SLC1A1: variants seen among roughly 807,000 people sequenced by gnomAD.
The protein encoded by SLC1A1 is excitatory amino acid transporter 3.
Under a neutral mutation model 53.3 loss-of-function variants are expected in SLC1A1, and 43 were observed. That is an observed-to-expected ratio of 0.81 (90% CI 0.63 to 1.04). The LOEUF is 1.04. Among genes scored for constraint, SLC1A1 ranks in the 50% least tolerant of loss-of-function variants. The probability of loss-of-function intolerance (pLI) is 0.00; values close to 1 mark genes in which losing one functional copy is unlikely to be tolerated. For missense variants in SLC1A1, 748 were observed against 664.9 expected (o/e 1.12, Z -1.37); for synonymous variants, 307 against 243.2 (o/e 1.26, Z -2.44).
At chr9:4,516,112 T>C (rs1443235593) in intron 1 of SLC1A1, among the ~76,000 whole-genome samples, 1 of 152,128 alleles carries the variant, frequency 6.6e-6, no homozygotes, top group Admixed American at 6.6e-5. Context: ...TGAGTTGCCA[T>C]AAAGAAAGAG....
At chr9:4,521,303 C>A (rs1816063204) in intron 1 of SLC1A1, among the ~76,000 whole-genome samples, 1 of 152,028 alleles carries the variant, frequency 6.6e-6, no homozygotes. Flanking sequence ...TCCTATTTAC[C>A]CATAAGTATT....
At chr9:4,517,855 T>G (rs997605296) in intron 1 of SLC1A1, among the ~76,000 whole-genome samples, 1 of 152,152 alleles carries the variant, frequency 6.6e-6, no homozygotes, top group African/African-American at 2.4e-5. Context: ...ACTTCTGCCC[T>G]GATCCCTGTA....
chr9:4,584,704 C>T (rs752932470), intron 11 of SLC1A1, among the ~76,000 whole-genome samples: 3 of 152,208 alleles, frequency 2.0e-5, no homozygotes, highest in Admixed American at 2.0e-4. Context: ...TCCCCAGGCT[C>T]TCTGGAAATT....
At position 4,508,286 on chromosome 9, in the gene SLC1A1, G is replaced by C. The variant is rs545069417; in HGVS notation, c.91+17516G>C. Among the ~76,000 whole-genome samples the C allele has an allele frequency of 2.1e-4, 32 of 152,330 alleles. 1 individual carries two copies. The South Asian group carries it at 6.6e-3, about 32-fold the overall frequency. On this transcript the variant is annotated intron_variant, in intron 1 of 11. Coordinates refer to ENST00000262352, the MANE Select transcript of SLC1A1 (RefSeq NM_004170.6). ...AAGACTTTGGAATCCACAAGTCATA[G>C]ATATGTATCTCGGGAAATAATCCAA...
chr9:4,565,039 C>T (rs1191656420), intron 4 of SLC1A1, among the ~76,000 whole-genome samples: 1 of 152,138 alleles, frequency 6.6e-6, no homozygotes, highest in Admixed American at 6.5e-5. Context: ...CTGCAATTTC[C>T]AGGTAAAGTT....
chr9:4,538,592 G>A (rs566863123), intron 1 of SLC1A1, among the ~76,000 whole-genome samples: 2 of 152,238 alleles, frequency 1.3e-5, no homozygotes, highest in South Asian at 2.1e-4. Flanking sequence ...TTAGTTTGTG[G>A]ATGAATTTTT....
chr9:4,578,086 T>C (rs552976783), intron 10 of SLC1A1, among the ~76,000 whole-genome samples: 1 of 152,356 alleles, frequency 6.6e-6, no homozygotes, highest in African/African-American at 2.4e-5. Flanking sequence ...TAAATACTTT[T>C]TGACAGATTG....
intron 1 of SLC1A1, among the ~76,000 whole-genome samples, chr9:4,530,168 C>T (rs1163112984): frequency 6.6e-6 from 1 of 151,976 alleles, no homozygotes; most frequent in African/African-American, 2.4e-5. Context: ...AAATATAAAA[C>T]AGTGGAACAT....
chr9:4,533,901 A>G (rs1186434073), intron 1 of SLC1A1, among the ~76,000 whole-genome samples: 2 of 152,228 alleles, frequency 1.3e-5, no homozygotes, highest in Non-Finnish European at 2.9e-5. Context: ...CAGGATTGAG[A>G]AACTCACTCA....
chr9:4,534,868 TG>T (rs1816614815), intron 1 of SLC1A1, among the ~76,000 whole-genome samples: 1 of 152,156 alleles, frequency 6.6e-6, no homozygotes, highest in South Asian at 2.1e-4. Flanking sequence ...CATGATCTAG[TG>T]GGATTCATCC....
chr9:4,514,337 C>T (rs1821093247), intron 1 of SLC1A1, among the ~76,000 whole-genome samples: 1 of 152,076 alleles, frequency 6.6e-6, no homozygotes, highest in African/African-American at 2.4e-5. Flanking sequence ...CCTTGAGTGG[C>T]CTGATGCTGC....
In SLC1A1 at chr9:4,574,069, C is replaced by T. The variant is rs184672217; in HGVS notation, c.875+55C>T. 7.0e-4 allele frequency: 838 copies of T among 1,192,778 alleles called. 1 individual carries two copies. The highest frequency in any genetic ancestry group is 2.0e-4 in the Non-Finnish European group (160 of 798,064). The allele number at this position is 1,192,778 out of a possible 1,614,324, so 73.9% of individuals were successfully genotyped here. ...ACCTCCTTTGATCTAATAGGATGGC[C>T]GCTGAGAGGTTGGGTTTCAGTTGGT... is the stretch of plus-strand genomic sequence containing the variant. On this transcript the variant is annotated intron_variant, in intron 8 of 11. Transcript: ENST00000262352.
chr9:4,491,694 C>T (rs1024144582), intron 1 of SLC1A1, among the ~76,000 whole-genome samples: 4 of 152,196 alleles, frequency 2.6e-5, no homozygotes, highest in African/African-American at 9.7e-5. Context: ...AGCGCCATAT[C>T]TGTCGCCTTC....
intron 1 of SLC1A1, among the ~76,000 whole-genome samples, chr9:4,524,664 A>G (rs941684475): frequency 6.6e-6 from 1 of 152,244 alleles, no homozygotes; most frequent in Non-Finnish European, 1.5e-5. Context: ...GCATCAAAAT[A>G]TGATAGAGAA....
rs1821306136 is a variant in SLC1A1 at position 4,583,651 on chromosome 9, T to G, written c.1328+479T>G. On this transcript the variant is annotated intron_variant, in intron 11 of 11. Coordinates refer to ENST00000262352, the MANE Select transcript of SLC1A1 (RefSeq NM_004170.6). The surrounding 1 kb of genome is among the most constrained non-coding windows in gnomAD (Gnocchi z 4.6). ...CCAGCTTCTTGACCTCGAGCAAGTT[T>G]CCTTAACCTGAGGCCCAGTTGCATA... 6.6e-6 allele frequency among the ~76,000 whole-genome samples: 1 copy of G among 152,176 alleles called. No homozygotes were observed. Among genetic ancestry groups the G allele is most frequent in the Admixed American group, 6.5e-5 (1 of 15,276 alleles).
At chr9:4,511,733 G>T (rs1821008336) in intron 1 of SLC1A1, among the ~76,000 whole-genome samples, 1 of 152,010 alleles carries the variant, frequency 6.6e-6, no homozygotes, top group Non-Finnish European at 1.5e-5. Context: ...CAGTGCAACA[G>T]GGCAAGAAAA....
Position 4,532,294 on chromosome 9 carries a change from T to A in SLC1A1, c.92-12273T>A, listed in dbSNP as rs188429208. ...AAAGGAGGAAGTTCGAACCCAAGGC[T>A]AAGAAGTTAAAAACCTTGAAAAAAA... is the stretch of plus-strand genomic sequence containing the variant. On this transcript the variant is annotated intron_variant, in intron 1 of 11. Transcript: ENST00000262352. Among the ~76,000 whole-genome samples the A allele has an allele frequency of 2.2e-3, 329 of 152,008 alleles. 1 individual carries two copies. Among genetic ancestry groups the A allele is most frequent in the African/African-American group, 7.6e-3 (317 of 41,462 alleles).
intron 1 of SLC1A1, among the ~76,000 whole-genome samples, chr9:4,516,097 T>G (rs1821152569): frequency 6.6e-6 from 1 of 152,204 alleles, no homozygotes; most frequent in Admixed American, 6.5e-5. Context: ...CTGATTCCTC[T>G]TTTGTGAGTT....
chr9:4,545,209 C>CTCTCTCTCTCTT (rs1008151921), intron 2 of SLC1A1, among the ~76,000 whole-genome samples: 1 of 151,704 alleles, frequency 6.6e-6, no homozygotes, highest in Non-Finnish European at 1.5e-5. Context: ...CTCTCTCTCT[C>CTCTCTCTCTCTT]TCTCTCTCTC....
Sources: allele counts gnomAD v4.1 joint callset (sites outside exome capture counted in the v4.1 genomes callset), GRCh38; gene constraint gnomAD v4.1.1; non-coding constraint Gnocchi (gnomAD v3.1); transcripts MANE v1.5; gene names NCBI Gene and HGNC (gene_info 2026-07-23, HGNC 2026-07-21).